The following CCDC181 variants were observed in gnomAD, a reference collection of about 807,000 sequenced individuals.
CCDC181 encodes the protein coiled-coil domain-containing protein 181.
CCDC181 carries 35 observed loss-of-function variants against 58.7 expected under a neutral mutation model. The observed-to-expected ratio is 0.60, with a 90% CI of 0.46 to 0.79. The LOEUF (loss-of-function observed/expected upper bound fraction) is 0.79, where lower values mean the gene tolerates loss of function less well. Among genes scored for constraint, CCDC181 ranks in the 30% least tolerant of loss-of-function variants. The pLI is 0.00. For synonymous variants in CCDC181, 183 were observed against 197.5 expected (o/e 0.93, Z 0.62); for missense variants, 517 against 583.9 (o/e 0.89, Z 1.18).
In CCDC181 at chr1:169,421,878, T is replaced by G. The variant is rs777086005; in HGVS notation, c.553A>C (p.Lys185Gln). 5.0e-6 allele frequency: 8 copies of G among 1,613,764 alleles called. No homozygotes were observed. The African/African-American group carries it at 1.1e-4, about 22-fold the overall frequency. The change falls in exon 3 of 6, where the codon AAA (lysine) becomes CAA (glutamine). Residue 185 changes from lysine (K) to glutamine (Q), a missense_variant. By Grantham distance (53) the Lys-to-Gln change is moderately conservative (BLOSUM62 1). Transcript: ENST00000367806. ...TTGGAAATACATAATTGTGACAGTT[T>G]CCCAAACATATTCCTTTCGTTTTCA... ...YFENERNMFGKLSQLCISNDF... is the reference protein window; with the variant it reads ...YFENERNMFGQLSQLCISNDF...
At chr1:169,419,553 A>G (rs1259794645) in intron 3 of CCDC181, among the ~76,000 whole-genome samples, 2 of 152,224 alleles carry the variant, frequency 1.3e-5, no homozygotes, top group Non-Finnish European at 2.9e-5. Flanking sequence ...GAACAGAAGG[A>G]AGGGAGGAAA....
intron 4 of CCDC181, among the ~76,000 whole-genome samples, chr1:169,412,188 A>G (rs558901683): frequency 1.3e-5 from 2 of 152,350 alleles, no homozygotes; most frequent in Admixed American, 1.3e-4. Context: ...AAGTCTCAGG[A>G]TACAAAATCA....
chr1:169,423,824 A>G (rs1656600421), intron 2 of CCDC181, among the ~76,000 whole-genome samples: 1 of 152,124 alleles, frequency 6.6e-6, no homozygotes, highest in South Asian at 2.1e-4. Flanking sequence ...TAGGATGCAT[A>G]AAACTCCCAT....
At chr1:169,402,619 C>A (rs1158056412) in intron 4 of CCDC181, among the ~76,000 whole-genome samples, 2 of 152,110 alleles carry the variant, frequency 1.3e-5, no homozygotes, top group Non-Finnish European at 2.9e-5. Flanking sequence ...GAGATTTTGT[C>A]ACCACCAGGC....
In CCDC181 at chr1:169,398,904, G is replaced by A. The variant is rs1419338946; in HGVS notation, c.1216-1513C>T. Among the ~76,000 whole-genome samples, 7 of 152,290 alleles carry A rather than the reference G, an allele frequency of 4.6e-5. No homozygotes were observed. In the East Asian group the frequency reaches 1.2e-3, roughly 25 times the overall value. ...AGAAAGGATGGTATTTAAATAGAAA[G>A]GGAGGAAGTTATGGGATATCTGGAG... On this transcript the variant is annotated intron_variant, in intron 4 of 5. Coordinates refer to ENST00000367806, the MANE Select transcript of CCDC181 (RefSeq NM_001300969.2).
intron 4 of CCDC181, among the ~76,000 whole-genome samples, chr1:169,418,182 A>T (rs1319374182): frequency 6.6e-6 from 1 of 152,204 alleles, no homozygotes; most frequent in Non-Finnish European, 1.5e-5. Context: ...CAGATTACTG[A>T]TGTTCCCATA....
chr1:169,426,297 T>C (rs571770546), intron 1 of CCDC181, among the ~76,000 whole-genome samples: 6 of 152,322 alleles, frequency 3.9e-5, no homozygotes, highest in African/African-American at 1.4e-4. Context: ...GTACTGTCCA[T>C]ATGGTACAGA....
chr1:169,447,515 A>G (rs1321563750), intron 2 of CCDC181, among the ~76,000 whole-genome samples: 1 of 152,202 alleles, frequency 6.6e-6, no homozygotes, highest in Non-Finnish European at 1.5e-5. Context: ...GAAGTATTCT[A>G]TAAATTTCAA....
chr1:169,432,348 T>C (rs924133768), upstream of CCDC181, among the ~76,000 whole-genome samples: 1 of 152,160 alleles, frequency 6.6e-6, no homozygotes, highest in Admixed American at 6.5e-5. Flanking sequence ...AGGGGACCTG[T>C]AGAACACCAC....
chr1:169,414,095 C>T (rs1182498381), intron 4 of CCDC181, among the ~76,000 whole-genome samples: 4 of 152,054 alleles, frequency 2.6e-5, no homozygotes, highest in African/African-American at 2.4e-5. Flanking sequence ...AAATATATGA[C>T]GTCTGCACAA....
At chr1:169,400,237 G>C (rs772918517) in intron 4 of CCDC181, among the ~76,000 whole-genome samples, 8 of 152,196 alleles carry the variant, frequency 5.3e-5, no homozygotes, top group Non-Finnish European at 8.8e-5. Context: ...TCATGTCCTA[G>C]AGTAAGGACC....
At chr1:169,402,335 A>G (rs1475411929) in intron 4 of CCDC181, among the ~76,000 whole-genome samples, 1 of 152,144 alleles carries the variant, frequency 6.6e-6, no homozygotes, top group African/African-American at 2.4e-5. Context: ...AAGAAGAGCA[A>G]CTCCAAGACA....
chr1:169,435,174 T>C (rs1354534518), intron 2 of CCDC181, among the ~76,000 whole-genome samples: 2 of 152,058 alleles, frequency 1.3e-5, no homozygotes, highest in Non-Finnish European at 2.9e-5. Context: ...TGCTACAACA[T>C]TGATGAACCT....
chr1:169,450,752 C>T (rs1657514598), intron 2 of CCDC181, among the ~76,000 whole-genome samples: 1 of 152,120 alleles, frequency 6.6e-6, no homozygotes, highest in South Asian at 2.1e-4. Flanking sequence ...GTGTTATGTT[C>T]CCATCAGCAA....
At chr1:169,460,496 A>G (rs1191108955) in exon 1 of CCDC181, 1 of 152,352 alleles carries the variant, frequency 6.6e-6, no homozygotes, top group Non-Finnish European at 1.5e-5. Context: ...GCTAGCCGGT[A>G]ATGCGCAGGC....
At chr1:169,426,874 T>C (rs1656733801) in intron 1 of CCDC181, among the ~76,000 whole-genome samples, 1 of 152,298 alleles carries the variant, frequency 6.6e-6, no homozygotes, top group East Asian at 1.9e-4. Context: ...TTATGGACTT[T>C]AGGTGATAAT....
At chr1:169,404,035 T>G (rs1655511783) in intron 4 of CCDC181, among the ~76,000 whole-genome samples, 1 of 152,052 alleles carries the variant, frequency 6.6e-6, no homozygotes, top group South Asian at 2.1e-4. Context: ...TATAAACACC[T>G]CTATGCAAAT....
intron 2 of CCDC181, among the ~76,000 whole-genome samples, chr1:169,436,437 G>A (rs1030012648): frequency 6.6e-6 from 1 of 152,060 alleles, no homozygotes; most frequent in African/African-American, 2.4e-5. Context: ...TAGCAGTCTG[G>A]CTCTGTCACC....
intron 4 of CCDC181, among the ~76,000 whole-genome samples, chr1:169,406,802 A>G (rs1207808181): frequency 4.1e-5 from 6 of 147,380 alleles, no homozygotes; most frequent in Non-Finnish European, 8.9e-5. Flanking sequence ...AGAAAAGAAA[A>G]AAAACCCACC....
Sources: allele counts gnomAD v4.1 joint callset (sites outside exome capture counted in the v4.1 genomes callset), GRCh38; gene constraint gnomAD v4.1.1; transcripts MANE v1.5; gene names NCBI Gene and HGNC (gene_info 2026-07-23, HGNC 2026-07-21).